LOXHD1: variants seen among roughly 807,000 people sequenced by gnomAD.
LOXHD1 encodes lipoxygenase homology PLAT domains 1, also known as lipoxygenase homology domain-containing protein 1.
LOXHD1 carries 205 observed loss-of-function variants against 248.2 expected under a neutral mutation model. The ratio of observed to expected loss-of-function variants is 0.83; its 90% CI spans 0.74 to 0.93. LOXHD1 has a LOEUF of 0.93. Among genes scored for constraint, LOXHD1 ranks in the 40% least tolerant of loss-of-function variants. The pLI, the probability that LOXHD1 is intolerant of heterozygous loss-of-function variation, is 0.00. For synonymous variants in LOXHD1, 1,113 were observed against 1,162.8 expected (o/e 0.96, Z 0.87); for missense variants, 2,930 against 2,971.6 (o/e 0.99, Z 0.33).
rs764467279 is a variant in LOXHD1 at position 46,545,368 on chromosome 18, C to T, written c.3568G>A (p.Gly1190Ser). ...TIKTGVKKNA[G>S]TDANVFITLF... ...GTGATGAAGACATTAGCATCTGTGC[C>T]CGCATTCTTCTTAACCCCAGTCTTT... Residue 1190 changes from glycine to serine, a missense_variant, in exon 23 of 41, where the codon GGC becomes AGC. Gly to Ser is a moderately conservative substitution (Grantham distance 56). Coordinates refer to ENST00000642948, the MANE Select transcript of LOXHD1 (RefSeq NM_001384474.1). 5.2e-6 allele frequency: 8 copies of T among 1,551,922 alleles called. No homozygotes were observed. The highest frequency in any genetic ancestry group is 6.1e-6 in the Non-Finnish European group (7 of 1,147,026).
At chr18:46,627,782 A>G (rs1568224239) in intron 4 of LOXHD1, among the ~76,000 whole-genome samples, 1 of 152,180 alleles carries the variant, frequency 6.6e-6, no homozygotes, top group Non-Finnish European at 1.5e-5. Flanking sequence ...CTCCTCACCC[A>G]TGAAGACTCA....
At chr18:46,497,979 A>G (rs2033983229) in intron 37 of LOXHD1, among the ~76,000 whole-genome samples, 1 of 152,210 alleles carries the variant, frequency 6.6e-6, no homozygotes, top group African/African-American at 2.4e-5. Flanking sequence ...GAATTAAATG[A>G]CAATTGCAGA....
At position 46,507,576 on chromosome 18, in the gene LOXHD1, G is replaced by A; in HGVS notation, c.5654C>T (p.Thr1885Ile). 2 of 1,551,730 alleles carry A rather than the reference G, an allele frequency of 1.3e-6. No homozygotes were observed. Among genetic ancestry groups the A allele is most frequent in the Non-Finnish European group, 1.7e-6 (2 of 1,146,988 alleles). ...VIDEEEMMEWTSYTVAVKTSD... is the reference protein window; with the variant it reads ...VIDEEEMMEWISYTVAVKTSD... ...GGTCTTAACTGCGACGGTGTAGGAG[G>A]TCCACTCCATCATTTCTTCCTCATC... is the stretch of plus-strand genomic sequence containing the variant. Residue 1885 changes from threonine to isoleucine, a missense_variant, in exon 36 of 41, where the codon ACC becomes ATC. Transcript: ENST00000642948.
intron 34 of LOXHD1, among the ~76,000 whole-genome samples, chr18:46,515,743 T>C (rs899064945): frequency 6.6e-6 from 1 of 152,108 alleles, no homozygotes; most frequent in Non-Finnish European, 1.5e-5. Flanking sequence ...ATGCAAACAA[T>C]AGTAGCCAGA....
chr18:46,594,287 A>G, intron 9 of LOXHD1, 44 bp downstream of exon 9: 2 of 1,549,906 alleles, frequency 1.3e-6, no homozygotes, highest in Non-Finnish European at 1.7e-6. Flanking sequence ...GCCTCTGCTG[A>G]CCCTGGCTGA....
In LOXHD1 at chr18:46,509,472, T is replaced by C. The variant is rs12968350; in HGVS notation, c.5517+226A>G. 11 of 576,606 alleles carry C rather than the reference T, an allele frequency of 1.9e-5. 1 individual carries two copies. Among genetic ancestry groups the C allele is most frequent in the South Asian group, 7.7e-5 (4 of 51,802 alleles). The allele number at this position is 576,606 out of a possible 1,614,324, so 35.7% of individuals were successfully genotyped here. A position where few individuals can be genotyped will look rare whatever the true frequency, so the allele number is the denominator to read the frequency against. ...GTCCACGTAACGTTGACAGCTCTTG[T>C]TTAATTACCTGACAGTTGCTTCAGT... is the stretch of plus-strand genomic sequence containing the variant. On this transcript the variant is annotated intron_variant, in intron 35 of 40. Transcript: ENST00000642948.
chr18:46,649,621 G>A (rs1050571712), intron 1 of LOXHD1, among the ~76,000 whole-genome samples: 4 of 152,090 alleles, frequency 2.6e-5, no homozygotes, highest in Non-Finnish European at 5.9e-5. Flanking sequence ...CTTCTTCAGA[G>A]CCTGCACCCA....
chr18:46,598,592 AAT>A lies in LOXHD1; in HGVS notation c.1134+2623_1134+2624del, dbSNP rs1280234691. On this transcript the variant is annotated intron_variant, in intron 8 of 40. Coordinates refer to ENST00000642948, the MANE Select transcript of LOXHD1 (RefSeq NM_001384474.1). ...TTATTGAGACATTATCAGAATTAAC[AAT>A]AGAGTTTAGCAAAATGGCCATATGT... 2.0e-5 allele frequency among the ~76,000 whole-genome samples: 3 copies of A among 152,142 alleles called. No homozygotes were observed. The East Asian group carries it at 5.8e-4, about 29-fold the overall frequency.
At chr18:46,613,555 G>C (rs1462301588) in intron 5 of LOXHD1, among the ~76,000 whole-genome samples, 1 of 151,730 alleles carries the variant, frequency 6.6e-6, no homozygotes, top group African/African-American at 2.4e-5. Context: ...TATTTTACTT[G>C]CCCTTTTTTC....
At chr18:46,586,969 C>A (rs1393624560) in intron 12 of LOXHD1, among the ~76,000 whole-genome samples, 2 of 152,168 alleles carry the variant, frequency 1.3e-5, no homozygotes, top group Admixed American at 1.3e-4. Flanking sequence ...GTGGCAAAAG[C>A]ACTTGTTAGA....
intron 10 of LOXHD1, 110 bp from the exon 11 acceptor site, chr18:46,592,694 G>C: frequency 1.2e-6 from 1 of 865,554 alleles, no homozygotes; most frequent in Non-Finnish European, 1.9e-6. Flanking sequence ...TTCTTCAGCA[G>C]TGAGGATGGG....
At chr18:46,502,872 G>C (rs1314234510) in intron 37 of LOXHD1, among the ~76,000 whole-genome samples, 1 of 152,152 alleles carries the variant, frequency 6.6e-6, no homozygotes, top group Non-Finnish European at 1.5e-5. Flanking sequence ...CGTGCTTCTG[G>C]TCTCATAGTG....
chr18:46,601,962 TGTC>T (rs1236450102), intron 7 of LOXHD1, among the ~76,000 whole-genome samples: 2 of 152,210 alleles, frequency 1.3e-5, no homozygotes, highest in Non-Finnish European at 2.9e-5. Flanking sequence ...AGGACATTAA[TGTC>T]CTCCTTTGCT....
At chr18:46,510,911 C>T (rs1465450870) in intron 34 of LOXHD1, among the ~76,000 whole-genome samples, 1 of 152,236 alleles carries the variant, frequency 6.6e-6, no homozygotes, top group Non-Finnish European at 1.5e-5. Flanking sequence ...AGGAGGTGCT[C>T]ATGTCACATT....
In LOXHD1 at chr18:46,571,953, C is replaced by A. The variant is rs921468753; in HGVS notation, c.2047+133G>T. 3.1e-5 allele frequency: 23 copies of A among 743,202 alleles called. No homozygotes were observed. The Admixed American group carries it at 5.1e-4, about 16-fold the overall frequency. The allele number at this position is 743,202 out of a possible 1,614,324, so 46.0% of individuals were successfully genotyped here. A position where few individuals can be genotyped will look rare whatever the true frequency, so the allele number is the denominator to read the frequency against. On this transcript the variant is annotated intron_variant, in intron 15 of 40. Coordinates refer to ENST00000642948, the MANE Select transcript of LOXHD1 (RefSeq NM_001384474.1). ...GAACTCTCCAGACACTCCCTCGGAG[C>A]CTCCCTCTCCTCCCTCCCCACTGCC...
intron 40 of LOXHD1, among the ~76,000 whole-genome samples, chr18:46,481,730 G>C (rs2032587077): frequency 6.6e-6 from 1 of 152,226 alleles, no homozygotes; most frequent in Middle Eastern, 3.2e-3. Flanking sequence ...AGGCTGGAGG[G>C]AAAGATGCTT....
At chr18:46,564,093 AGT>A (rs57471507) in intron 17 of LOXHD1, among the ~76,000 whole-genome samples, 22,089 of 148,414 alleles carry the variant, frequency 0.15, 1,678 homozygotes, top group Non-Finnish European at 0.18. Flanking sequence ...GGAGAGAGAG[AGT>A]GTGTGTGTGT....
At chr18:46,492,090 T>A (rs62097061) in intron 37 of LOXHD1, among the ~76,000 whole-genome samples, 2,165 of 149,882 alleles carry the variant, frequency 0.014, 27 homozygotes, top group Non-Finnish European at 0.023. Context: ...CCACTAAGAA[T>A]CTATGAAACA....
intron 4 of LOXHD1, 137 bp from the exon 5 acceptor site, chr18:46,618,427 C>T: frequency 1.6e-6 from 1 of 632,534 alleles, no homozygotes; most frequent in Admixed American, 2.7e-5. Context: ...AATAACAGAG[C>T]AAAAAACAAG....
Sources: gnomAD v4.1 joint callset for allele counts (sites outside exome capture counted in the v4.1 genomes callset) on GRCh38, gnomAD v4.1.1 for gene constraint, MANE v1.5 for transcripts, NCBI Gene and HGNC (gene_info 2026-07-23, HGNC 2026-07-21) for gene names.